WDFY2: variants seen among roughly 807,000 people sequenced by gnomAD.
WDFY2 encodes WD repeat and FYVE domain containing 2.
In WDFY2, 36 loss-of-function variants were observed where a neutral mutation model predicts 56.4. The ratio of observed to expected loss-of-function variants is 0.64; its 90% CI spans 0.49 to 0.84. The LOEUF (loss-of-function observed/expected upper bound fraction) is 0.84. Ranked by LOEUF, WDFY2 falls within the 40% of genes least tolerant of loss-of-function variation. The pLI is 0.00. For synonymous variants in WDFY2, 176 were observed against 183.7 expected, an observed-to-expected ratio of 0.96 and a Z score of 0.34; for missense variants, 444 against 512.2, an observed-to-expected ratio of 0.87 and a Z score of 1.29.
chr13:51,727,024 T>C (rs1952619272), intron 5 of WDFY2, among the ~76,000 whole-genome samples: 1 of 152,266 alleles, frequency 6.6e-6, no homozygotes, highest in Non-Finnish European at 1.5e-5. Context: ...GTTTTCATTT[T>C]CTACATTTAG....
intron 1 of WDFY2, among the ~76,000 whole-genome samples, chr13:51,636,765 G>T (rs1447009702): frequency 2.0e-5 from 3 of 152,186 alleles, no homozygotes; most frequent in Non-Finnish European, 4.4e-5. Context: ...AGTGGAACAG[G>T]ATAGAGTCCA....
chr13:51,695,269 A>T (rs1480208805), intron 3 of WDFY2, among the ~76,000 whole-genome samples: 1 of 151,968 alleles, frequency 6.6e-6, no homozygotes, highest in East Asian at 1.9e-4. Flanking sequence ...TGCTTTTTAG[A>T]GTTTCCAGTT....
intron 4 of WDFY2, among the ~76,000 whole-genome samples, chr13:51,717,836 A>C (rs1952392397): frequency 6.6e-6 from 1 of 152,138 alleles, no homozygotes; most frequent in Non-Finnish European, 1.5e-5. Context: ...TAGATTCTCC[A>C]AGCTTCAAAT....
chr13:51,699,147 A>G (rs1951932568), intron 3 of WDFY2, among the ~76,000 whole-genome samples: 1 of 152,210 alleles, frequency 6.6e-6, no homozygotes, highest in Non-Finnish European at 1.5e-5. Flanking sequence ...CTGCAAGGCC[A>G]CAGATCTGAC....
At chr13:51,592,899 A>G (rs1275721381) in intron 1 of WDFY2, among the ~76,000 whole-genome samples, 2 of 152,144 alleles carry the variant, frequency 1.3e-5, no homozygotes, top group African/African-American at 4.8e-5. Flanking sequence ...AGGTGGGAGG[A>G]CTAGCTTGAG....
chr13:51,741,432 G>C (rs1253161065), intron 7 of WDFY2, among the ~76,000 whole-genome samples: 1 of 152,220 alleles, frequency 6.6e-6, no homozygotes, highest in Non-Finnish European at 1.5e-5. Flanking sequence ...AACTTCCTCA[G>C]CATCAGTCAG....
chr13:51,620,143 G>T (rs1436433669), intron 1 of WDFY2, among the ~76,000 whole-genome samples: 2 of 132,810 alleles, frequency 1.5e-5, no homozygotes, highest in Admixed American at 9.3e-5. Flanking sequence ...ATAACTTTTA[G>T]ATAAATGTTC....
intron 6 of WDFY2, among the ~76,000 whole-genome samples, chr13:51,736,375 A>G (rs991989830): frequency 1.3e-5 from 2 of 152,222 alleles, no homozygotes; most frequent in Non-Finnish European, 2.9e-5. Flanking sequence ...TTCTGGTTCC[A>G]GAGCCTGTAC....
intron 3 of WDFY2, among the ~76,000 whole-genome samples, chr13:51,686,310 G>A (rs1223330785): frequency 2.0e-5 from 3 of 152,080 alleles, no homozygotes; most frequent in Non-Finnish European, 2.9e-5. Context: ...GATTACATGA[G>A]GTACCTTAAA....
chr13:51,609,600 A>G (rs1269788399), intron 1 of WDFY2, among the ~76,000 whole-genome samples: 1 of 78,274 alleles, frequency 1.3e-5, no homozygotes, highest in African/African-American at 6.1e-5. Flanking sequence ...TAAAAACCCC[A>G]ACCCCCGCCC....
chr13:51,710,641 A>G (rs1186928260), intron 4 of WDFY2, among the ~76,000 whole-genome samples: 1 of 152,234 alleles, frequency 6.6e-6, no homozygotes, highest in East Asian at 1.9e-4. Context: ...CTATACACCA[A>G]TAACAGACAA....
chr13:51,640,960 C>T (rs1341510904), intron 1 of WDFY2, among the ~76,000 whole-genome samples: 1 of 152,220 alleles, frequency 6.6e-6, no homozygotes. Flanking sequence ...ACAGCGCAGG[C>T]AGAAGAGTTG....
chr13:51,739,576 A>G (rs527470837), intron 7 of WDFY2, among the ~76,000 whole-genome samples: 1 of 152,334 alleles, frequency 6.6e-6, no homozygotes, highest in East Asian at 1.9e-4. Context: ...CATACGGAAA[A>G]GAGGAGAGGT....
chr13:51,619,649 G>T (rs1954688806), intron 1 of WDFY2, among the ~76,000 whole-genome samples: 4 of 152,126 alleles, frequency 2.6e-5, no homozygotes, highest in Admixed American at 1.3e-4. Context: ...CCTGTTAAAA[G>T]AAAAACTTTA....
chr13:51,714,705 C>T (rs116543047), intron 4 of WDFY2, among the ~76,000 whole-genome samples: 2,328 of 152,304 alleles, frequency 0.015, 49 homozygotes, highest in African/African-American at 0.05. Flanking sequence ...ACAGCATTTT[C>T]ACTCCTAGTT....
intron 11 of WDFY2, 70 bp from the exon 12 acceptor site, chr13:51,759,670 A>G: frequency 6.7e-7 from 1 of 1,499,190 alleles, no homozygotes; most frequent in Non-Finnish European, 9.2e-7. Flanking sequence ...TCCTTGAAGA[A>G]TTCAGTTCTA....
At chr13:51,745,875 G>A (rs1953086846) in intron 7 of WDFY2, among the ~76,000 whole-genome samples, 1 of 150,362 alleles carries the variant, frequency 6.7e-6, no homozygotes, top group African/African-American at 2.5e-5. Context: ...GAGCCACACA[G>A]TATTCAACAA....
intron 2 of WDFY2, 137 bp from the exon 3 acceptor site, chr13:51,675,033 G>A: frequency 2.9e-6 from 2 of 685,552 alleles, no homozygotes; most frequent in South Asian, 1.8e-5. Context: ...TTATTTTTTG[G>A]TGAGTGGATG....
intron 1 of WDFY2, among the ~76,000 whole-genome samples, chr13:51,639,130 A>G (rs980116302): frequency 1.3e-5 from 2 of 152,192 alleles, no homozygotes; most frequent in African/African-American, 4.8e-5. Flanking sequence ...GACTTTTCTC[A>G]ACCAAAAATA....
Sources: allele counts gnomAD v4.1 joint callset (sites outside exome capture counted in the v4.1 genomes callset), GRCh38; gene constraint gnomAD v4.1.1; transcripts MANE v1.5; gene names NCBI Gene and HGNC (gene_info 2026-07-23, HGNC 2026-07-21).